Variants in VPS13D observed in about 807,000 individuals in gnomAD.
VPS13D encodes the protein vacuolar protein sorting 13 homolog D, also known as intermembrane lipid transfer protein VPS13D.
VPS13D carries 187 observed loss-of-function variants against 461.9 expected under a neutral mutation model. That is an observed-to-expected ratio of 0.40 (90% CI 0.36 to 0.46). The LOEUF is 0.46. Ranked by LOEUF, VPS13D falls within the 20% of genes least tolerant of loss-of-function variation. The probability of loss-of-function intolerance (pLI) is 0.60; values close to 1 mark genes in which losing one functional copy is unlikely to be tolerated. For synonymous variants in VPS13D, 1,951 were observed against 1,986.3 expected (o/e 0.98, Z 0.47); for missense variants, 4,711 against 5,364.9 (o/e 0.88, Z 3.81).
chr1:12,453,268 C>G (rs1486685351), intron 65 of VPS13D, among the ~76,000 whole-genome samples: 13 of 152,054 alleles, frequency 8.5e-5, no homozygotes. Flanking sequence ...CTCCCATATT[C>G]TCTTGGTGGG....
At chr1:12,312,541 T>C (rs1369646654) in intron 29 of VPS13D, among the ~76,000 whole-genome samples, 1 of 152,152 alleles carries the variant, frequency 6.6e-6, no homozygotes, top group Non-Finnish European at 1.5e-5. Flanking sequence ...GAGGATTGCT[T>C]GAGGCCAGGA....
At chr1:12,325,554 G>A (rs1034652662) in intron 35 of VPS13D, among the ~76,000 whole-genome samples, 16 of 152,132 alleles carry the variant, frequency 1.1e-4, no homozygotes, top group African/African-American at 2.9e-4. Context: ...CACTGTACCC[G>A]GCCTCTTTCT....
In VPS13D at chr1:12,318,089, C is replaced by T; in HGVS notation, c.7166C>T (p.Ser2389Phe). The change falls in exon 31 of 70, where the codon TCC (serine) becomes TTC (phenylalanine). Residue 2389 changes from serine to phenylalanine, a missense_variant. This residue lies in a region of VPS13D where 4,411 missense variants were observed against 4,937.8 expected (regional missense o/e 0.89). Coordinates refer to ENST00000620676, the MANE Select transcript of VPS13D (RefSeq NM_015378.4). ...ELHFRSTKDSSCFTVVLNNLR... is the reference protein window; with the variant it reads ...ELHFRSTKDSFCFTVVLNNLR... ...TTTTATAGATCTACCAAGGATTCCT[C>T]CTGCTTTACAGTAGTTCTCAACAAT... 6.2e-7 allele frequency: 1 copy of T among 1,611,746 alleles called. No individual in the cohort carries two copies. The highest frequency in any genetic ancestry group is 8.5e-7 in the Non-Finnish European group (1 of 1,178,072).
intron 24 of VPS13D, among the ~76,000 whole-genome samples, chr1:12,297,083 A>G (rs1006847841): frequency 6.6e-6 from 1 of 152,216 alleles, no homozygotes; most frequent in Admixed American, 6.5e-5. Context: ...TTAGGTTTAT[A>G]TAGAGCTAAG....
At chr1:12,399,547 C>T (rs941513633) in intron 60 of VPS13D, among the ~76,000 whole-genome samples, 5 of 151,708 alleles carry the variant, frequency 3.3e-5, no homozygotes, top group East Asian at 2.0e-4. Flanking sequence ...TGGCTGAGTG[C>T]GGTGGCTCAC....
intron 52 of VPS13D, among the ~76,000 whole-genome samples, chr1:12,365,763 G>T (rs1268703679): frequency 6.6e-6 from 1 of 151,762 alleles, no homozygotes; most frequent in Non-Finnish European, 1.5e-5. Flanking sequence ...TCTGAAATCA[G>T]TGCTATTTCA....
intron 52 of VPS13D, among the ~76,000 whole-genome samples, chr1:12,365,351 A>G (rs1644018714): frequency 6.6e-6 from 1 of 152,208 alleles, no homozygotes; most frequent in African/African-American, 2.4e-5. Flanking sequence ...TAGTATTGAC[A>G]TCTTAAAAAT....
chr1:12,496,082 G>T (rs532228111), intron 67 of VPS13D, among the ~76,000 whole-genome samples: 1 of 152,234 alleles, frequency 6.6e-6, no homozygotes, highest in East Asian at 1.9e-4. Flanking sequence ...AATTGAGACT[G>T]GCGGGGTATG....
intron 15 of VPS13D, 70 bp from the exon 16 acceptor site, chr1:12,268,636 C>A: frequency 6.7e-7 from 1 of 1,487,430 alleles, no homozygotes; most frequent in Non-Finnish European, 9.1e-7. Context: ...TCCAGAATCC[C>A]TCACAGGTCT....
chr1:12,433,879 T>G (rs1234687639), intron 65 of VPS13D, among the ~76,000 whole-genome samples: 1 of 148,710 alleles, frequency 6.7e-6, no homozygotes, highest in Non-Finnish European at 1.5e-5. Context: ...TGTGAGCTAA[T>G]TAAAGGCCTT....
In VPS13D at chr1:12,464,427, G is replaced by A. The variant is rs139848041; in HGVS notation, c.12662+4031G>A. ...AGATCTTAGCATCTATGTTTTAAAA[G>A]ACCCAAATTTTAAGCAGATGATAGG... On this transcript the variant is annotated intron_variant, in intron 67 of 69. Coordinates refer to ENST00000620676, the MANE Select transcript of VPS13D (RefSeq NM_015378.4). Among the ~76,000 whole-genome samples, 9 of 152,218 alleles carry A rather than the reference G, an allele frequency of 5.9e-5. No homozygotes were observed. In the East Asian group the frequency reaches 1.4e-3, roughly 23 times the overall value.
rs1001011517 is a variant in VPS13D, at chr1:12,497,548, G to A, written c.12711G>A (p.Gln4237=). 2 of 1,614,010 alleles carry A rather than the reference G, an allele frequency of 1.2e-6. No individual in the cohort carries two copies. The highest frequency in any genetic ancestry group is 2.7e-5 in the African/African-American group (2 of 74,926). ...VRKPRCCTGP[Q]GLLPRYSESQ... ...AACCGCGTTGCTGCACGGGGCCCCAGGGGCTGCTTCCCCGATATTCTGAGA... is the reference window on the plus strand; with the variant it reads ...AACCGCGTTGCTGCACGGGGCCCCAAGGGCTGCTTCCCCGATATTCTGAGA... Residue 4237 remains glutamine, a synonymous_variant, in exon 68 of 70, where the codon CAG becomes CAA. Transcript: ENST00000620676.
chr1:12,274,828 A>G (rs1225451003), intron 18 of VPS13D, among the ~76,000 whole-genome samples: 2 of 152,216 alleles, frequency 1.3e-5, no homozygotes, highest in Non-Finnish European at 2.9e-5. Context: ...CATGCCTGTA[A>G]TACCCAGCAC....
intron 22 of VPS13D, 68 bp from the exon 23 acceptor site, chr1:12,290,930 C>T (rs560183619): frequency 2.3e-4 from 331 of 1,459,042 alleles, no homozygotes; most frequent in Non-Finnish European, 2.9e-4. Flanking sequence ...AGCTTTTGTT[C>T]CAGACATATT....
intron 68 of VPS13D, among the ~76,000 whole-genome samples, chr1:12,504,586 A>G (rs1013953579): frequency 9.9e-5 from 15 of 152,194 alleles, no homozygotes; most frequent in Admixed American, 9.2e-4. Flanking sequence ...CAGAGAGATG[A>G]AAGAGTCTGA....
At position 12,369,709 on chromosome 1, in the gene VPS13D, C is replaced by T; in HGVS notation, c.10808+7C>T. The T allele has an allele frequency of 6.2e-7, 1 of 1,610,020 alleles. No homozygotes were observed. The highest frequency in any genetic ancestry group is 8.5e-7 in the Non-Finnish European group (1 of 1,176,818). On this transcript the variant is annotated splice_region_variant and intron_variant, in intron 54 of 69. Coordinates refer to ENST00000620676, the MANE Select transcript of VPS13D (RefSeq NM_015378.4). ...CTACATATACATTCTCTGGGTAATT[C>T]TTGATTAAATTACTGTTCCTATAAA...
Position 12,387,517 on chromosome 1 carries a change from G to A in VPS13D, c.11634+1183G>A, listed in dbSNP as rs56349018. On this transcript the variant is annotated intron_variant, in intron 60 of 69. Coordinates refer to ENST00000620676, the MANE Select transcript of VPS13D (RefSeq NM_015378.4). ...AGAATTTTTGGAGGACGTTAAAACT[G>A]TTAATGTAACTGTATTCTCTGTGTT... 3.9e-3 allele frequency among the ~76,000 whole-genome samples: 587 copies of A among 152,058 alleles called. 3 individuals carry two copies. The highest frequency in any genetic ancestry group is 7.1e-3 in the South Asian group (34 of 4,814).
At chr1:12,242,434 A>G (rs1012749449) in intron 2 of VPS13D, 79 bp from the exon 3 acceptor site, 1 of 1,323,264 alleles carries the variant, frequency 7.6e-7, no homozygotes, top group Non-Finnish European at 1.1e-6. Flanking sequence ...TTTCCCTTTA[A>G]CCTTCAATGC....
chr1:12,345,109 G>C (rs555385880), intron 42 of VPS13D: 9 of 321,252 alleles, frequency 2.8e-5, no homozygotes, highest in African/African-American at 1.6e-4. Flanking sequence ...ACCTTGGCTC[G>C]TGTTTAGGTT....
Sources: gnomAD v4.1 joint callset for allele counts (sites outside exome capture counted in the v4.1 genomes callset) on GRCh38, gnomAD v4.1.1 for gene constraint, gnomAD v4.1.1 regional missense constraint, MANE v1.5 for transcripts, NCBI Gene and HGNC (gene_info 2026-07-23, HGNC 2026-07-21) for gene names.